Variants in KNTC1 observed in about 807,000 individuals in gnomAD.
The protein encoded by KNTC1 is kinetochore-associated protein 1.
KNTC1 carries 253 observed loss-of-function variants against 314.4 expected under a neutral mutation model. The ratio of observed to expected loss-of-function variants is 0.80; its 90% CI spans 0.73 to 0.89. The LOEUF (loss-of-function observed/expected upper bound fraction) is 0.89. Among genes scored for constraint, KNTC1 ranks in the 40% least tolerant of loss-of-function variants. KNTC1 has a pLI of 0.00. For missense variants in KNTC1, 2,475 were observed against 2,572.9 expected (o/e 0.96, Z 0.82); for synonymous variants, 901 against 901.4 (o/e 1.00, Z 0.01).
rs763503709 is a variant in KNTC1 at position 122,573,024 on chromosome 12, A to G, written c.2107A>G (p.Asn703Asp). 6.2e-7 allele frequency: 1 copy of G among 1,611,840 alleles called. No homozygotes were observed. Among genetic ancestry groups the G allele is most frequent in the Admixed American group, 1.7e-5 (1 of 59,626 alleles). The change falls in exon 25 of 64, where the codon AAC (asparagine) becomes GAC (aspartate). Residue 703 changes from asparagine (N) to aspartate (D), a missense_variant. Asn to Asp is a conservative substitution (Grantham distance 23). Coordinates refer to ENST00000333479, the MANE Select transcript of KNTC1 (RefSeq NM_014708.6). ...RELITLHRKY[N>D]CKLALSDFEK... ...GTTGATCACGTTGCATAGGAAGTAC[A>G]ACTGCAAATTAGCCCTCTCTGATTT...
intron 33 of KNTC1, 143 bp from the exon 34 acceptor site, chr12:122,582,562 T>C: frequency 2.9e-6 from 2 of 701,244 alleles, no homozygotes. Context: ...CATCACACAA[T>C]ATACCCAGGT....
intron 20 of KNTC1, among the ~76,000 whole-genome samples, chr12:122,565,634 C>G (rs1964279332): frequency 6.6e-6 from 1 of 151,890 alleles, no homozygotes; most frequent in Non-Finnish European, 1.5e-5. Context: ...TACCTGTAAT[C>G]CAAGCACTTT....
chr12:122,550,025 G>T (rs1963076402), intron 13 of KNTC1, among the ~76,000 whole-genome samples, 161 bp downstream of exon 13: 1 of 151,744 alleles, frequency 6.6e-6, no homozygotes, highest in African/African-American at 2.4e-5. Context: ...TATTAATAGA[G>T]ATCCTCAAAT....
intron 40 of KNTC1, 88 bp from the exon 41 acceptor site, chr12:122,590,519 C>T: frequency 2.4e-6 from 3 of 1,259,386 alleles, no homozygotes; most frequent in Admixed American, 2.5e-5. Flanking sequence ...AATTATTCCT[C>T]TTTATTTGTA....
At chr12:122,529,757 G>A (rs1961147684) in intron 1 of KNTC1, among the ~76,000 whole-genome samples, 1 of 152,158 alleles carries the variant, frequency 6.6e-6, no homozygotes, top group African/African-American at 2.4e-5. Flanking sequence ...AGTAATGGAA[G>A]CTCTAAGATA....
rs1159487753 is a variant in KNTC1 at position 122,582,713 on chromosome 12, T to A, written c.2991T>A (p.Phe997Leu). 6.3e-7 allele frequency: 1 copy of A among 1,599,234 alleles called. No homozygotes were observed. Among genetic ancestry groups the A allele is most frequent in the Admixed American group, 1.7e-5 (1 of 58,888 alleles). Residue 997 changes from phenylalanine (F) to leucine (L), a missense_variant, in exon 34 of 64, where the codon TTT becomes TTA. Coordinates refer to ENST00000333479, the MANE Select transcript of KNTC1 (RefSeq NM_014708.6). Reference sequence around the variant, plus strand: ...GCTTACCTTTGCTACAGGAGAACTTTGAGGTCTTTCTTTCATTTGAAGATT... The same window carrying A: ...GCTTACCTTTGCTACAGGAGAACTTAGAGGTCTTTCTTTCATTTGAAGATT... ...FKEVASLQENFEVFLSFEDYS... is the reference protein window; with the variant it reads ...FKEVASLQENLEVFLSFEDYS...
Position 122,615,546 on chromosome 12 carries a change from A to G in KNTC1, c.6030+20A>G. On this transcript the variant is annotated intron_variant, in intron 57 of 63. Coordinates refer to ENST00000333479, the MANE Select transcript of KNTC1 (RefSeq NM_014708.6). ...TGGCAGGTATGTAGTTTTTTAAAAT[A>G]AATTTTATTGAATTTAGTCTTTATA... is the stretch of plus-strand genomic sequence containing the variant. 6.6e-7 allele frequency: 1 copy of G among 1,506,706 alleles called. No individual in the cohort carries two copies. Among genetic ancestry groups the G allele is most frequent in the Non-Finnish European group, 8.9e-7 (1 of 1,120,014 alleles). 93.3% of individuals were successfully genotyped at this position (1,506,706 alleles called of 1,614,324 possible).
In KNTC1 at chr12:122,582,876, C is replaced by T. The variant is rs1052334619; in HGVS notation, c.3154C>T (p.Leu1052=). The change falls in exon 34 of 64, where the codon CTG becomes TTG. Residue 1052 remains leucine, a synonymous_variant. Coordinates refer to ENST00000333479, the MANE Select transcript of KNTC1 (RefSeq NM_014708.6). ...EVRSPSMESK[L]HRQALALQMS... is the part of the protein sequence containing the mutation. Reference sequence around the variant, plus strand: ...GAGGAGCCCAAGCATGGAATCAAAGCTGCACAGACAGGCACTGGCCCTGCA... The same window carrying T: ...GAGGAGCCCAAGCATGGAATCAAAGTTGCACAGACAGGCACTGGCCCTGCA... The T allele has an allele frequency of 2.5e-6, 4 of 1,612,458 alleles. No homozygotes were observed. The Admixed American group carries it at 5.0e-5, about 20-fold the overall frequency.
chr12:122,575,727 A>G (rs1202705101), intron 28 of KNTC1, 73 bp from the exon 29 acceptor site: 18 of 1,486,998 alleles, frequency 1.2e-5, no homozygotes, highest in East Asian at 4.6e-5. Context: ...TTATGTTTCT[A>G]TATTGTTTGC....
At chr12:122,618,461 G>GTTTTTTTTTTTTTTT in intron 58 of KNTC1, 21 bp from the exon 59 acceptor site, 1 of 1,558,958 alleles carries the variant, frequency 6.4e-7, no homozygotes, top group African/African-American at 1.4e-5. Context: ...TATCATGGTT[G>GTTTTTTTTTTTTTTT]TTTTTTTGTT....
At chr12:122,538,564 GT>G (rs1962035831) in intron 4 of KNTC1, 110 bp downstream of exon 4, 3 of 630,800 alleles carry the variant, frequency 4.8e-6, no homozygotes, top group East Asian at 2.9e-5. Context: ...TTAAAGCAAT[GT>G]TTTTTTGAAC....
At position 122,544,050 on chromosome 12, in the gene KNTC1, CAAA is replaced by C. The variant is rs34718872; in HGVS notation, c.559-94_559-92del. On this transcript the variant is annotated intron_variant, in intron 7 of 63. Coordinates refer to ENST00000333479, the MANE Select transcript of KNTC1 (RefSeq NM_014708.6). ...GGCAACAAGAGCAAAACTCTGTCTC[CAAA>C]AAAAAAAAAAAAAATTTATAACTGA... 1,615 of 326,580 alleles carry C rather than the reference CAAA, an allele frequency of 4.9e-3. 2 individuals carry two copies. Among genetic ancestry groups the C allele is most frequent in the South Asian group, 6.8e-3 (140 of 20,508 alleles). The allele number at this position is 326,580 out of a possible 1,614,324, so 20.2% of individuals were successfully genotyped here.
chr12:122,591,425 A>C lies in KNTC1; in HGVS notation c.4217A>C (p.Gln1406Pro), dbSNP rs376513898. ...TTCCGTGAACTCAGTACTGATGCCC[A>C]GTGGGGCATTCGTCTTGGTAAACTT... is the stretch of plus-strand genomic sequence containing the variant. Reference protein sequence around the residue: ...LKFRELSTDAQWGIRLGKLGI... With the variant: ...LKFRELSTDAPWGIRLGKLGI... Residue 1406 changes from glutamine to proline, a missense_variant, in exon 42 of 64, where the codon CAG becomes CCG. Gln to Pro is a moderately conservative substitution (Grantham distance 76). Transcript: ENST00000333479. 3 of 1,594,190 alleles carry C rather than the reference A, an allele frequency of 1.9e-6. No individual in the cohort carries two copies. The highest frequency in any genetic ancestry group is 2.6e-6 in the Non-Finnish European group (3 of 1,163,394).
intron 11 of KNTC1, 65 bp from the exon 12 acceptor site, chr12:122,547,849 TA>T: frequency 1.1e-6 from 1 of 902,430 alleles, no homozygotes; most frequent in Admixed American, 3.2e-5. Context: ...AATCAATAGA[TA>T]ATATTGTATG....
Position 122,622,694 on chromosome 12 carries a change from ATCCTAGCACTT to A in KNTC1, c.6515+89_6515+99del, listed in dbSNP as rs1206780173. 7.1e-6 allele frequency: 8 copies of A among 1,120,122 alleles called. No homozygotes were observed. In the African/African-American group the frequency reaches 1.3e-4, roughly 18 times the overall value. The allele number at this position is 1,120,122 out of a possible 1,614,324, so 69.4% of individuals were successfully genotyped here. ...CTGGGCACGATGGCTCACGACTGTA[ATCCTAGCACTT>A]TGGGAAGCTGAGGTGGGTGGATCAC... On this transcript the variant is annotated intron_variant, in intron 62 of 63. Coordinates refer to ENST00000333479, the MANE Select transcript of KNTC1 (RefSeq NM_014708.6).
chr12:122,579,151 G>A (rs1468126735), intron 31 of KNTC1, among the ~76,000 whole-genome samples: 2 of 132,166 alleles, frequency 1.5e-5, no homozygotes, highest in Non-Finnish European at 3.1e-5. Flanking sequence ...TGCAAGCTCC[G>A]CCTCCCGGGT....
At chr12:122,543,879 T>C (rs1234294709) in intron 7 of KNTC1, among the ~76,000 whole-genome samples, 1 of 151,980 alleles carries the variant, frequency 6.6e-6, no homozygotes, top group Non-Finnish European at 1.5e-5. Context: ...AGAAACCCCA[T>C]CTCTACTAAA....
intron 63 of KNTC1, among the ~76,000 whole-genome samples, chr12:122,625,126 T>G (rs7309140): frequency 6.6e-6 from 1 of 152,010 alleles, no homozygotes; most frequent in African/African-American, 2.4e-5. Flanking sequence ...GAAGTATGGC[T>G]GGGCACGGTG....
chr12:122,594,482 T>C (rs916720961), intron 43 of KNTC1, 97 bp downstream of exon 43: 161 of 719,992 alleles, frequency 2.2e-4, no homozygotes, highest in Admixed American at 4.9e-4. Flanking sequence ...ATGAGGTCCA[T>C]AGACCACTAT....
Sources: allele counts gnomAD v4.1 joint callset (sites outside exome capture counted in the v4.1 genomes callset), GRCh38; gene constraint gnomAD v4.1.1; transcripts MANE v1.5; gene names NCBI Gene and HGNC (gene_info 2026-07-23, HGNC 2026-07-21).